DHTKD1: variants seen among roughly 807,000 people sequenced by gnomAD.
The protein encoded by DHTKD1 is dehydrogenase E1 and transketolase domain containing 1, also known as 2-oxoadipate dehydrogenase complex component E1.
Under a neutral mutation model 101.8 loss-of-function variants are expected in DHTKD1, and 78 were observed. The observed-to-expected ratio is 0.77, with a 90% CI of 0.64 to 0.93. DHTKD1 has a LOEUF of 0.93. Ranked by LOEUF, DHTKD1 falls within the 40% of genes least tolerant of loss-of-function variation. DHTKD1 has a pLI of 0.00. For synonymous variants in DHTKD1, 462 were observed against 450.3 expected (o/e 1.03, Z -0.33); for missense variants, 1,223 against 1,161.7 (o/e 1.05, Z -0.77).
rs759872323 is a variant in DHTKD1, at chr10:12,084,555, G to C, written c.326G>C (p.Gly109Ala). 6.2e-7 allele frequency: 1 copy of C among 1,607,048 alleles called. No homozygotes were observed. The change falls in exon 3 of 17, where the codon GGG (glycine) becomes GCG (alanine). Residue 109 changes from glycine to alanine, a missense_variant. Coordinates refer to ENST00000263035, the MANE Select transcript of DHTKD1 (RefSeq NM_018706.7). ...TATTTCACAGGATTATTGAACATGG[G>C]GAAGGAAGAGGCCTCACTTGAGGAA... is the stretch of plus-strand genomic sequence containing the variant. ...PFHTAGLLNMGKEEASLEEVL... is the reference protein window; with the variant it reads ...PFHTAGLLNMAKEEASLEEVL...
intron 13 of DHTKD1, among the ~76,000 whole-genome samples, chr10:12,115,507 A>G (rs1317674847): frequency 6.6e-6 from 1 of 152,134 alleles, no homozygotes; most frequent in East Asian, 1.9e-4. Flanking sequence ...TTTTTGCACT[A>G]GGTACCTTAC....
intron 1 of DHTKD1, among the ~76,000 whole-genome samples, chr10:12,080,960 G>A (rs1326665865): frequency 3.3e-5 from 5 of 151,768 alleles, no homozygotes; most frequent in African/African-American, 4.8e-5. Context: ...TCAGCTACTC[G>A]GGAGACTGAG....
At chr10:12,083,177 A>G (rs1473140958) in intron 2 of DHTKD1, among the ~76,000 whole-genome samples, 1 of 151,632 alleles carries the variant, frequency 6.6e-6, no homozygotes, top group Non-Finnish European at 1.5e-5. Flanking sequence ...AAAAGAAACC[A>G]TAGGCCAGAG....
intron 11 of DHTKD1, among the ~76,000 whole-genome samples, 160 bp downstream of exon 11, chr10:12,106,556 C>T (rs1451462512): frequency 2.0e-5 from 3 of 152,144 alleles, no homozygotes; most frequent in Non-Finnish European, 4.4e-5. Flanking sequence ...GGGAGTGTGG[C>T]CACTGTCAGG....
At chr10:12,090,488 C>T (rs570108318) in intron 5 of DHTKD1, among the ~76,000 whole-genome samples, 13 of 139,188 alleles carry the variant, frequency 9.3e-5, no homozygotes, top group African/African-American at 2.7e-5. Context: ...TCTTCTTTCT[C>T]TCTCTTTCTT....
rs55809304 is a variant in DHTKD1, at chr10:12,103,491, CTGTGTGTG to C, written c.1896+2340_1896+2347del. The stretch of plus-strand genomic sequence containing the variant: ...CCCCAACTTCGTTGTACATCTCAAT[CTGTGTGTG>C]TGTGTGTGTGTGTGTGTGTGTGTGT... On this transcript the variant is annotated intron_variant, in intron 10 of 16. Transcript: ENST00000263035. The surrounding 1 kb of genome is among the most constrained non-coding windows in gnomAD (Gnocchi z 4.8). Among the ~76,000 whole-genome samples the C allele has an allele frequency of 7.3e-4, 106 of 144,978 alleles. No homozygotes were observed. The highest frequency in any genetic ancestry group is 3.6e-3 in the South Asian group (16 of 4,474).
rs544077016 is a variant in DHTKD1, at chr10:12,112,067, C to T, written c.2155-833C>T. Among the ~76,000 whole-genome samples, 37 of 111,066 alleles carry T rather than the reference C, an allele frequency of 3.3e-4. 1 individual carries two copies. The South Asian group carries it at 0.017, about 51-fold the overall frequency. The allele number at this position is 111,066 out of a possible 152,430, so 72.9% of individuals were successfully genotyped here. A position where few individuals can be genotyped will look rare whatever the true frequency, so the allele number is the denominator to read the frequency against. On this transcript the variant is annotated intron_variant, in intron 12 of 16. Transcript: ENST00000263035. ...TGGTGGCTCATGCCTGTAATCCCAG[C>T]ACTTTGGGTGGCTGAGGCGGGAGGA...
chr10:12,084,250 G>A (rs1832866639), intron 2 of DHTKD1, among the ~76,000 whole-genome samples: 1 of 151,950 alleles, frequency 6.6e-6, no homozygotes, highest in Non-Finnish European at 1.5e-5. Flanking sequence ...TAAGAACAAA[G>A]CACTCTGCGT....
At chr10:12,114,585 C>T (rs556665655) in intron 13 of DHTKD1, among the ~76,000 whole-genome samples, 11 of 152,242 alleles carry the variant, frequency 7.2e-5, no homozygotes, top group East Asian at 5.8e-4. Context: ...CATGAGCCAC[C>T]GTGCCCGGCC....
intron 15 of DHTKD1, among the ~76,000 whole-genome samples, chr10:12,119,630 A>G (rs1372009024): frequency 1.3e-5 from 2 of 151,568 alleles, no homozygotes; most frequent in East Asian, 1.9e-4. Flanking sequence ...AAAAAAAAAA[A>G]AAAAAGAAAG....
chr10:12,109,685 T>G (rs983514442), intron 12 of DHTKD1, among the ~76,000 whole-genome samples: 5 of 151,936 alleles, frequency 3.3e-5, no homozygotes, highest in African/African-American at 4.8e-5. Flanking sequence ...AGTGTCAGTG[T>G]CAATTAAGAT....
rs1364396346 is a variant in DHTKD1 at position 12,081,629 on chromosome 10, T to C, written c.310+2T>C. 2.5e-6 allele frequency: 4 copies of C among 1,614,050 alleles called. No homozygotes were observed. The highest frequency in any genetic ancestry group is 3.4e-6 in the Non-Finnish European group (4 of 1,180,008). On this transcript the variant is annotated splice_donor_variant, in intron 2 of 16. Coordinates refer to ENST00000263035, the MANE Select transcript of DHTKD1 (RefSeq NM_018706.7). LOFTEE classifies it high-confidence loss of function. ...TGCAGGGACCCTTCCACACGGCAGGTATGGCTTCTGCACAGCAGGCGGGAG... is the reference window on the plus strand; with the variant it reads ...TGCAGGGACCCTTCCACACGGCAGGCATGGCTTCTGCACAGCAGGCGGGAG...
chr10:12,069,949 G>C (rs367604268), intron 1 of DHTKD1, among the ~76,000 whole-genome samples: 3 of 152,036 alleles, frequency 2.0e-5, no homozygotes, highest in Non-Finnish European at 4.4e-5. Context: ...TGAGCAGGTG[G>C]GGGGGTCCAA....
intron 13 of DHTKD1, among the ~76,000 whole-genome samples, 183 bp from the exon 14 acceptor site, chr10:12,117,488 CAT>C: frequency 6.6e-6 from 1 of 152,136 alleles, no homozygotes; most frequent in Non-Finnish European, 1.5e-5. Flanking sequence ...ACCTCAGAAA[CAT>C]AGTTTTACCC....
At chr10:12,102,184 G>A (rs573066435) in intron 10 of DHTKD1, among the ~76,000 whole-genome samples, 1 of 151,912 alleles carries the variant, frequency 6.6e-6, no homozygotes, top group South Asian at 2.1e-4. Context: ...CCAGCACTTC[G>A]GGAGGCTGAG....
Position 12,101,083 on chromosome 10 carries a change from A to T in DHTKD1, c.1798A>T (p.Thr600Ser). 1 of 1,614,132 alleles carries T rather than the reference A, an allele frequency of 6.2e-7. No homozygotes were observed. Among genetic ancestry groups the T allele is most frequent in the Non-Finnish European group, 8.5e-7 (1 of 1,180,016 alleles). The change falls in exon 10 of 17, where the codon ACT (threonine) becomes TCT (serine). Residue 600 changes from threonine (T) to serine (S), a missense_variant. Thr to Ser is a moderately conservative substitution (Grantham distance 58). Coordinates refer to ENST00000263035, the MANE Select transcript of DHTKD1 (RefSeq NM_018706.7). The stretch of plus-strand genomic sequence containing the variant: ...AAGTGGCCAAGATGTTGGTCGTGGA[A>T]CTTTCAGTCAGAGGCATGCAATCGT... ...RLSGQDVGRG[T>S]FSQRHAIVVC...
At chr10:12,084,322 T>A (rs1308458023) in intron 2 of DHTKD1, among the ~76,000 whole-genome samples, 1 of 151,724 alleles carries the variant, frequency 6.6e-6, no homozygotes, top group African/African-American at 2.4e-5. Context: ...TTTTTTTAAA[T>A]TTTTTTTAAA....
chr10:12,116,359 A>T (rs995869953), intron 13 of DHTKD1: 2 of 151,814 alleles, frequency 1.3e-5, no homozygotes, highest in Non-Finnish European at 2.9e-5. Context: ...ATTTTAGTAT[A>T]TGTGCTGCCA....
intron 12 of DHTKD1, among the ~76,000 whole-genome samples, chr10:12,108,326 C>G (rs1434393136): frequency 2.6e-5 from 4 of 152,060 alleles, no homozygotes; most frequent in Admixed American, 6.6e-5. Context: ...GTTGCCCAGG[C>G]TGGAGTGCAG....
Sources: gnomAD v4.1 joint callset for allele counts (sites outside exome capture counted in the v4.1 genomes callset) on GRCh38, gnomAD v4.1.1 for gene constraint, Gnocchi (gnomAD v3.1) non-coding constraint, MANE v1.5 for transcripts, NCBI Gene and HGNC (gene_info 2026-07-23, HGNC 2026-07-21) for gene names.